The following CATSPERD variants were observed in gnomAD, a reference collection of about 807,000 sequenced individuals.
The protein encoded by CATSPERD is cation channel sperm-associated auxiliary subunit delta.
Under a neutral mutation model 98.1 loss-of-function variants are expected in CATSPERD, and 86 were observed. The ratio of observed to expected loss-of-function variants is 0.88; its 90% CI spans 0.74 to 1.05. CATSPERD has a LOEUF of 1.05. Ranked by LOEUF, CATSPERD falls within the 50% of genes least tolerant of loss-of-function variation. The pLI is 0.00. For missense variants in CATSPERD, 995 were observed against 1,005.7 expected, an observed-to-expected ratio of 0.99 and a Z score of 0.14; for synonymous variants, 394 against 390.2, an observed-to-expected ratio of 1.01 and a Z score of -0.12.
rs765405896 is a variant in CATSPERD at position 5,766,086 on chromosome 19, GTCTC to G, written c.1507-12_1507-9del. 8 of 1,609,536 alleles carry G rather than the reference GTCTC, an allele frequency of 5.0e-6. No individual in the cohort carries two copies. The African/African-American group carries it at 8.0e-5, about 16-fold the overall frequency. On this transcript the variant is annotated splice_polypyrimidine_tract_variant and intron_variant, in intron 16 of 21. Transcript: ENST00000381624. ...CTCACTGACCTGGGTCCATATTTCT[GTCTC>G]TCTCCTCTGCAGTCGACACTGATTT... is the stretch of plus-strand genomic sequence containing the variant.
Position 5,772,950 on chromosome 19 carries a change from C to A in CATSPERD, c.1926C>A (p.Phe642Leu). 1 of 1,613,908 alleles carries A rather than the reference C, an allele frequency of 6.2e-7. No individual in the cohort carries two copies. The highest frequency in any genetic ancestry group is 2.2e-5 in the East Asian group (1 of 44,866). ...TGATAAAGGAATTCGGGGGGCCCTT[C>A]TTCTGGAACAGAGAGGTAACAGGAC... ...TTMIKEFGGP[F>L]FWNRENYVSC... Residue 642 changes from phenylalanine (F) to leucine (L), a missense_variant, in exon 20 of 22, where the codon TTC becomes TTA. Physicochemically the swap from Phe to Leu is conservative, Grantham distance 22. Transcript: ENST00000381624.
At chr19:5,776,592 A>G (rs2144706104) in intron 21 of CATSPERD, among the ~76,000 whole-genome samples, 1 of 152,230 alleles carries the variant, frequency 6.6e-6, no homozygotes, top group East Asian at 1.9e-4. Context: ...CCTACTCCCC[A>G]TGGCTAGAGT....
At chr19:5,732,533 C>T (rs1368350409) in intron 4 of CATSPERD, among the ~76,000 whole-genome samples, 4 of 151,188 alleles carry the variant, frequency 2.6e-5, no homozygotes, top group Non-Finnish European at 5.9e-5. Context: ...CCCGAGTTCA[C>T]ACCATTCTCC....
At chr19:5,753,996 C>G (rs866498923) in intron 12 of CATSPERD, 136 bp from the exon 13 acceptor site, 4 of 674,246 alleles carry the variant, frequency 5.9e-6, no homozygotes, top group Non-Finnish European at 1.1e-5. Context: ...AATACAGAGT[C>G]TAGTGGGGAA....
intron 11 of CATSPERD, among the ~76,000 whole-genome samples, chr19:5,750,324 A>G (rs1029492162): frequency 3.3e-5 from 5 of 149,704 alleles, no homozygotes; most frequent in African/African-American, 7.3e-5. Context: ...TGGTGGCGGC[A>G]CCTGTAGTCC....
At position 5,733,893 on chromosome 19, in the gene CATSPERD, G is replaced by C. The variant is rs539729037; in HGVS notation, c.314G>C (p.Gly105Ala). The C allele has an allele frequency of 2.3e-4, 379 of 1,612,872 alleles. 4 individuals are homozygous for C. The South Asian group carries it at 3.2e-3, about 14-fold the overall frequency. Reference protein sequence around the residue: ...VPEVTSAHFAGSLLLLVVDQK... With the variant: ...VPEVTSAHFAASLLLLVVDQK... The stretch of plus-strand genomic sequence containing the variant: ...GAAGTGACATCAGCACATTTTGCTG[G>C]TTCGTTATTGCTGTTAGTAGTGGAT... Residue 105 changes from glycine to alanine, a missense_variant, in exon 5 of 22, where the codon GGT (glycine) becomes GCT (alanine). Coordinates refer to ENST00000381624, the MANE Select transcript of CATSPERD (RefSeq NM_152784.4).
intron 1 of CATSPERD, among the ~76,000 whole-genome samples, chr19:5,724,606 G>A (rs1310048268): frequency 6.6e-6 from 1 of 152,172 alleles, no homozygotes; most frequent in Non-Finnish European, 1.5e-5. Context: ...GGCTGAGGCA[G>A]GAGAAACACT....
chr19:5,765,811 T>G (rs2056527910), intron 16 of CATSPERD, among the ~76,000 whole-genome samples: 1 of 151,932 alleles, frequency 6.6e-6, no homozygotes, highest in Admixed American at 6.6e-5. Flanking sequence ...AAACTCTGTC[T>G]CAAAAAATAA....
Position 5,778,447 on chromosome 19 carries a change from G to A in CATSPERD, c.2168G>A (p.Gly723Glu), listed in dbSNP as rs755132389. 6.2e-7 allele frequency: 1 copy of A among 1,613,986 alleles called. No individual in the cohort carries two copies. The highest frequency in any genetic ancestry group is 1.1e-5 in the South Asian group (1 of 91,084). ...TTCCCCGTGCAGCTGGTCTCTGCTG[G>A]AGTCGTCATCCTACTGATCATCTCC... ...GAFPVQLVSA[G>E]VVILLIISSI... The change falls in exon 22 of 22, where the codon GGA becomes GAA. Residue 723 changes from glycine (G) to glutamate (E), a missense_variant. Physicochemically the swap from Gly to Glu is moderately conservative, Grantham distance 98. Around this residue, in one of 3 missense-constraint regions of CATSPERD, gnomAD observed 762 missense variants for 773.7 expected, o/e 0.98. Transcript: ENST00000381624.
intron 11 of CATSPERD, among the ~76,000 whole-genome samples, chr19:5,750,958 T>TAATC (rs1429948417): frequency 1.3e-5 from 2 of 151,634 alleles, no homozygotes; most frequent in African/African-American, 4.8e-5. Flanking sequence ...CTCATGCCTG[T>TAATC]AATCCCAGCA....
intron 11 of CATSPERD, 35 bp from the exon 12 acceptor site, chr19:5,751,612 C>G: frequency 9.5e-7 from 1 of 1,054,324 alleles, no homozygotes; most frequent in African/African-American, 1.7e-5. Context: ...AAAACAATTA[C>G]AATGATTAGA....
intron 19 of CATSPERD, 90 bp from the exon 20 acceptor site, chr19:5,772,698 C>T (rs1017539045): frequency 2.7e-5 from 36 of 1,340,396 alleles, no homozygotes; most frequent in Non-Finnish European, 3.2e-5. Flanking sequence ...ACCCCCCAAG[C>T]GGTTTTGCAG....
At chr19:5,750,059 C>T (rs770797320) in intron 11 of CATSPERD, among the ~76,000 whole-genome samples, 116 of 151,346 alleles carry the variant, frequency 7.7e-4, no homozygotes, top group Non-Finnish European at 4.3e-4. Context: ...CCGCCTAGGC[C>T]TCCCAAAGTG....
chr19:5,757,671 G>A (rs1016011199), intron 13 of CATSPERD, among the ~76,000 whole-genome samples, 172 bp from the exon 14 acceptor site: 1 of 145,658 alleles, frequency 6.9e-6, no homozygotes, highest in African/African-American at 2.6e-5. Context: ...GAACTCCTGG[G>A]CTCAAGCAGT....
At chr19:5,727,810 A>T (rs1341580724) in intron 3 of CATSPERD, among the ~76,000 whole-genome samples, 2 of 152,056 alleles carry the variant, frequency 1.3e-5, no homozygotes, top group Non-Finnish European at 2.9e-5. Context: ...CCATGCCAGG[A>T]TGCTTACCCT....
intron 12 of CATSPERD, chr19:5,753,394 C>CA (rs1050308216): frequency 2.4e-5 from 4 of 165,416 alleles, no homozygotes; most frequent in East Asian, 3.7e-4. Flanking sequence ...CCATCTCTAC[C>CA]AAAAATACAA....
chr19:5,728,038 CAA>C (rs56411287), intron 3 of CATSPERD, among the ~76,000 whole-genome samples: 10,291 of 128,314 alleles, frequency 0.08, 524 homozygotes, highest in African/African-American at 0.15. Context: ...CCAGTATCTA[CAA>C]AAAAAAAAAA....
intron 9 of CATSPERD, among the ~76,000 whole-genome samples, chr19:5,747,553 C>T (rs1358498757): frequency 6.6e-6 from 1 of 151,894 alleles, no homozygotes; most frequent in African/African-American, 2.4e-5. Context: ...CAATGGCCAT[C>T]CCTCTGAGCT....
intron 11 of CATSPERD, among the ~76,000 whole-genome samples, chr19:5,751,197 C>CAA (rs556079596): frequency 4.9e-4 from 23 of 46,624 alleles, no homozygotes; most frequent in Admixed American, 8.1e-4. Flanking sequence ...GATTCCGTCT[C>CAA]AAAAAAAAAA....
Sources: gnomAD v4.1 joint callset for allele counts (sites outside exome capture counted in the v4.1 genomes callset) on GRCh38, gnomAD v4.1.1 for gene constraint, gnomAD v4.1.1 regional missense constraint, MANE v1.5 for transcripts, NCBI Gene and HGNC (gene_info 2026-07-23, HGNC 2026-07-21) for gene names.